LMOD1: variants seen among roughly 807,000 people sequenced by gnomAD.
The protein encoded by LMOD1 is leiomodin-1.
A neutral mutation model predicts 36.5 loss-of-function variants in LMOD1; 8 were observed. That is an observed-to-expected ratio of 0.22 (90% confidence interval 0.13 to 0.40). LMOD1 has a LOEUF of 0.40. Ranked by LOEUF, LMOD1 falls within the 10% of genes least tolerant of loss-of-function variation. The pLI is 1.00. For synonymous variants in LMOD1, 284 were observed against 288.7 expected, an observed-to-expected ratio of 0.98 and a Z score of 0.17; for missense variants, 630 against 751.1, an observed-to-expected ratio of 0.84 and a Z score of 1.88.
At chr1:201,914,253 C>T (rs1032328183) in intron 1 of LMOD1, among the ~76,000 whole-genome samples, 4 of 152,200 alleles carry the variant, frequency 2.6e-5, no homozygotes, top group African/African-American at 4.8e-5. Context: ...CCACACCCCA[C>T]GTGGTGCCGT....
rs1491013889 is a variant in LMOD1, at chr1:201,939,763, T to TGA, written c.261+6316_261+6317insTC. Among the ~76,000 whole-genome samples, 3 of 10,398 alleles carry TGA rather than the reference T, an allele frequency of 2.9e-4. No homozygotes were observed. The South Asian group carries it at 8.9e-3, about 31-fold the overall frequency. 6.8% of individuals were successfully genotyped at this position (10,398 alleles called of 152,430 possible). On this transcript the variant is annotated intron_variant, in intron 1 of 2. Coordinates refer to ENST00000367288, the MANE Select transcript of LMOD1 (RefSeq NM_012134.3). ...GTGTGTTGTTCCTCTGCTCCTGCTGTGTGTGTGTGTGTGTGTGTGTGTGTA... is the reference window on the plus strand; with the variant it reads ...GTGTGTTGTTCCTCTGCTCCTGCTGTGAGTGTGTGTGTGTGTGTGTGTGTGTA...
chr1:201,898,600 T>C (rs1681233436), intron 2 of LMOD1, among the ~76,000 whole-genome samples: 1 of 152,246 alleles, frequency 6.6e-6, no homozygotes, highest in South Asian at 2.1e-4. Context: ...GAGATTTTCC[T>C]TTATCTCATG....
intron 1 of LMOD1, among the ~76,000 whole-genome samples, chr1:201,910,017 A>G (rs1681468462): frequency 6.6e-6 from 1 of 152,188 alleles, no homozygotes; most frequent in Admixed American, 6.5e-5. Context: ...AAGAATGTTA[A>G]TCACAATATC....
In LMOD1 at chr1:201,946,117, T is replaced by A. The variant is rs1558245677; in HGVS notation, c.224A>T (p.Glu75Val). The change falls in exon 1 of 3, where the codon GAG (glutamate) becomes GTG (valine). Residue 75 changes from glutamate (E) to valine (V), a missense_variant. Physicochemically the swap from Glu to Val is moderately radical, Grantham distance 121. This residue lies in a region of LMOD1 where 405 missense variants were observed against 400.6 expected (regional missense o/e 1.01). Coordinates refer to ENST00000367288, the MANE Select transcript of LMOD1 (RefSeq NM_012134.3). ...CTCCCTCTGCATAAGTTTCTTGGTC[T>A]CCTTTTCACAGAAGTTGAGCATGGC... ...REAMLNFCEK[E>V]TKKLMQREMS... 1 of 1,613,994 alleles carries A rather than the reference T, an allele frequency of 6.2e-7. No individual in the cohort carries two copies. Among genetic ancestry groups the A allele is most frequent in the Admixed American group, 1.7e-5 (1 of 60,020 alleles).
intron 1 of LMOD1, among the ~76,000 whole-genome samples, chr1:201,944,483 G>A (rs1165140683): frequency 3.9e-5 from 6 of 152,194 alleles, no homozygotes; most frequent in Non-Finnish European, 8.8e-5. Context: ...TTCCAAGGGT[G>A]CCAAAGCCTT....
At chr1:201,904,222 T>A (rs1409336566) in intron 1 of LMOD1, among the ~76,000 whole-genome samples, 1 of 152,216 alleles carries the variant, frequency 6.6e-6, no homozygotes, top group African/African-American at 2.4e-5. Flanking sequence ...TCTTCTTTTT[T>A]TCTTTGAGAT....
intron 1 of LMOD1, among the ~76,000 whole-genome samples, chr1:201,901,514 ATATATATATATATATGT>A (rs1558234564): frequency 2.8e-4 from 11 of 38,858 alleles, no homozygotes; most frequent in African/African-American, 1.2e-3. Context: ...AAAAAAAAAT[ATATATATATATATATGT>A]ATATATATAT....
At chr1:201,919,236 C>G (rs1449775787) in intron 1 of LMOD1, among the ~76,000 whole-genome samples, 3 of 146,164 alleles carry the variant, frequency 2.1e-5, no homozygotes, top group Non-Finnish European at 4.5e-5. Flanking sequence ...TTTGGGGGGT[C>G]AGAGCCTCAG....
At chr1:201,943,074 A>T (rs911894615) in intron 1 of LMOD1, among the ~76,000 whole-genome samples, 9 of 152,186 alleles carry the variant, frequency 5.9e-5, no homozygotes, top group African/African-American at 2.4e-5. Flanking sequence ...TTGACAGAAG[A>T]CTATTATATC....
In LMOD1 at chr1:201,900,366, T is replaced by C. The variant is rs1245933891; in HGVS notation, c.647A>G (p.Lys216Arg). ...KKREEMKEVA[K>R]KEDDEKVKGE... ...TTTTACCTTCTCATCATCCTCTTTCTTGGCCACCTCCTTCATCTCCTCTCT... is the reference window on the plus strand; with the variant it reads ...TTTTACCTTCTCATCATCCTCTTTCCTGGCCACCTCCTTCATCTCCTCTCT... Residue 216 changes from lysine to arginine, a missense_variant, in exon 2 of 3, where the codon AAG becomes AGG. Lys to Arg is a conservative substitution (Grantham distance 26, BLOSUM62 2). Around this residue, in one of 3 missense-constraint regions of LMOD1, gnomAD observed 405 missense variants for 400.6 expected, o/e 1.01. Transcript: ENST00000367288. The C allele has an allele frequency of 6.4e-6, 10 of 1,565,760 alleles. No individual in the cohort carries two copies. Among genetic ancestry groups the C allele is most frequent in the Non-Finnish European group, 8.7e-6 (10 of 1,154,174 alleles).
Position 201,899,885 on chromosome 1 carries a change from G to C in LMOD1, c.1128C>G (p.Ala376=), listed in dbSNP as rs756098310. 6.8e-6 allele frequency: 11 copies of C among 1,613,930 alleles called. No homozygotes were observed. The African/African-American group carries it at 1.5e-4, about 22-fold the overall frequency. The change falls in exon 2 of 3, where the codon GCC becomes GCG. Residue 376 remains alanine, a synonymous_variant. Transcript: ENST00000367288. The surrounding 1 kb of genome is among the most constrained non-coding windows in gnomAD (Gnocchi z 6.3). ...LANTRADDHV[A]FAIAIMLKAN... is the part of the protein sequence containing the mutation. ...CCTTGAGCATGATGGCAATGGCAAA[G>C]GCCACGTGGTCATCGGCTCGCGTGT...
chr1:201,900,672 C>A lies in LMOD1; in HGVS notation c.341G>T (p.Gly114Val). ...CCCCAGATCTGAGTCCCGTCTGGGG[C>A]CCAGGGCTTTTTTGCTGGCATCTCT... ...RGRDASKKAL[G>V]PRRDSDLGKE... The change falls in exon 2 of 3, where the codon GGC becomes GTC. Residue 114 changes from glycine (G) to valine (V), a missense_variant. Physicochemically the swap from Gly to Val is moderately radical, Grantham distance 109. This residue lies in a region of LMOD1 where 405 missense variants were observed against 400.6 expected (regional missense o/e 1.01). Coordinates refer to ENST00000367288, the MANE Select transcript of LMOD1 (RefSeq NM_012134.3). The A allele has an allele frequency of 6.2e-7, 1 of 1,613,902 alleles. No individual in the cohort carries two copies. Among genetic ancestry groups the A allele is most frequent in the South Asian group, 1.1e-5 (1 of 91,076 alleles).
intron 1 of LMOD1, among the ~76,000 whole-genome samples, chr1:201,905,627 C>T (rs1392743993): frequency 6.6e-6 from 1 of 152,242 alleles, no homozygotes; most frequent in Non-Finnish European, 1.5e-5. Flanking sequence ...CTTGCCAGCC[C>T]ACACCGTCCC....
intron 1 of LMOD1, among the ~76,000 whole-genome samples, chr1:201,913,374 G>T (rs1014602972): frequency 6.6e-6 from 1 of 152,156 alleles, no homozygotes; most frequent in African/African-American, 2.4e-5. Context: ...GGGAGGCCGA[G>T]GCGGGTGGAT....
intron 1 of LMOD1, among the ~76,000 whole-genome samples, chr1:201,901,602 A>G (rs1409172502): frequency 1.9e-4 from 9 of 48,412 alleles, no homozygotes; most frequent in African/African-American, 2.8e-4. Flanking sequence ...ATATGTATAT[A>G]TATATATACA....
intron 1 of LMOD1, among the ~76,000 whole-genome samples, chr1:201,939,803 G>T (rs1682083776): frequency 6.6e-6 from 1 of 151,806 alleles, no homozygotes; most frequent in Non-Finnish European, 1.5e-5. Context: ...CATGTGTGTA[G>T]ACTGCCTATC....
intron 1 of LMOD1, among the ~76,000 whole-genome samples, chr1:201,918,282 A>ACGTTCCCTTCATCCCACC (rs1681642760): frequency 6.6e-6 from 1 of 151,736 alleles, no homozygotes; most frequent in Non-Finnish European, 1.5e-5. Context: ...TCCCCTCACC[A>ACGTTCCCTTCATCCCACC]TTGCTGTGTT....
chr1:201,902,921 C>G, intron 1 of LMOD1, among the ~76,000 whole-genome samples: 1 of 152,194 alleles, frequency 6.6e-6, no homozygotes, highest in Non-Finnish European at 1.5e-5. Context: ...AGACATTAGA[C>G]TTAACTGTCC....
At chr1:201,911,446 C>T (rs539816754) in intron 1 of LMOD1, among the ~76,000 whole-genome samples, 1 of 152,308 alleles carries the variant, frequency 6.6e-6, no homozygotes, top group Admixed American at 6.5e-5. Flanking sequence ...GTGCGGATCA[C>T]TTGAGGTCAG....
Sources: allele counts gnomAD v4.1 joint callset (sites outside exome capture counted in the v4.1 genomes callset), GRCh38; gene constraint gnomAD v4.1.1; regional missense constraint gnomAD v4.1.1; non-coding constraint Gnocchi (gnomAD v3.1); transcripts MANE v1.5; gene names NCBI Gene and HGNC (gene_info 2026-07-23, HGNC 2026-07-21).